SLFN12L: variants seen among roughly 807,000 people sequenced by gnomAD.
SLFN12L encodes schlafen family member 12-like.
A neutral mutation model predicts 34.8 loss-of-function variants in SLFN12L; 34 were observed. That is an observed-to-expected ratio of 0.98 (90% confidence interval 0.74 to 1.30). The LOEUF (loss-of-function observed/expected upper bound fraction) is 1.30. Ranked by LOEUF, SLFN12L falls within the 50% of genes most tolerant of loss-of-function variation. The pLI is 0.00. For synonymous variants in SLFN12L, 259 were observed against 247.5 expected (o/e 1.05, Z -0.44); for missense variants, 703 against 696.2 (o/e 1.01, Z -0.11).
Position 35,522,968 on chromosome 17 carries a change from C to A in SLFN12L, c.-604G>T, listed in dbSNP as rs1185373166. ...GAGTACATCGCAAATATCCTGGTAGCACTAGATGTGAAAAGAATGAGAAAT... is the reference window on the plus strand; with the variant it reads ...GAGTACATCGCAAATATCCTGGTAGAACTAGATGTGAAAAGAATGAGAAAT... On this transcript the variant is annotated splice_region_variant and 5_prime_UTR_variant, in exon 2 of 5. Coordinates refer to ENST00000628453, the MANE Select transcript of SLFN12L (RefSeq NM_001363830.2). 3 of 496,798 alleles carry A rather than the reference C, an allele frequency of 6.0e-6. No homozygotes were observed. The East Asian group carries it at 9.2e-5, about 15-fold the overall frequency. 30.8% of individuals were successfully genotyped at this position (496,798 alleles called of 1,614,324 possible). A position where few individuals can be genotyped will look rare whatever the true frequency, so the allele number is the denominator to read the frequency against.
chr17:35,521,287 A>C (rs1440165906), intron 2 of SLFN12L, among the ~76,000 whole-genome samples: 1 of 152,178 alleles, frequency 6.6e-6, no homozygotes, highest in Non-Finnish European at 1.5e-5. Flanking sequence ...AAATCCAGAT[A>C]AATTGCGGAG....
chr17:35,504,717 A>G (rs1205560306), intron 2 of SLFN12L, among the ~76,000 whole-genome samples: 1 of 152,182 alleles, frequency 6.6e-6, no homozygotes, highest in African/African-American at 2.4e-5. Context: ...TCCAGCTTCC[A>G]TCTCCCAACA....
chr17:35,496,652 T>A (rs1915092918), intron 2 of SLFN12L, among the ~76,000 whole-genome samples: 1 of 152,060 alleles, frequency 6.6e-6, no homozygotes. Flanking sequence ...TTAAAGCCTG[T>A]GCAGTAGGCG....
intron 2 of SLFN12L, among the ~76,000 whole-genome samples, chr17:35,487,236 C>G (rs1189718016): frequency 6.6e-6 from 1 of 152,270 alleles, no homozygotes; most frequent in Non-Finnish European, 1.5e-5. Context: ...CCACCGCGCC[C>G]GGCCGCCCTG....
chr17:35,500,122 G>C (rs1298617343), intron 2 of SLFN12L: 1 of 152,144 alleles, frequency 6.6e-6, no homozygotes, highest in Non-Finnish European at 1.5e-5. Flanking sequence ...AGAATATTCG[G>C]TGTGCTAAAT....
At position 35,522,380 on chromosome 17, in the gene SLFN12L, G is replaced by A. The variant is rs191115335; in HGVS notation, c.-16C>T. The A allele has an allele frequency of 3.7e-6, 6 of 1,614,064 alleles. No homozygotes were observed. Among genetic ancestry groups the A allele is most frequent in the Non-Finnish European group, 5.1e-6 (6 of 1,180,032 alleles). ...TCTTCTCCATGATCTTCATGGCCAT[G>A]ATGGTCTTTCCTAAGCCAGGTAAGC... On this transcript the variant is annotated 5_prime_UTR_variant, in exon 2 of 5. Transcript: ENST00000628453.
At chr17:35,491,280 T>A in intron 2 of SLFN12L, 2 of 784,992 alleles carry the variant, frequency 2.5e-6, no homozygotes, top group Non-Finnish European at 4.1e-6. Context: ...ACCAATTTTT[T>A]TAAATCATGG....
At chr17:35,498,584 C>G (rs528645092) in intron 2 of SLFN12L, 5 of 1,577,458 alleles carry the variant, frequency 3.2e-6, no homozygotes, top group Middle Eastern at 1.7e-4. Context: ...ACAGCCGCTT[C>G]CATGGAATGT....
intron 2 of SLFN12L, chr17:35,515,282 C>T (rs1203436395): frequency 3.4e-5 from 13 of 385,206 alleles, no homozygotes; most frequent in Non-Finnish European, 3.4e-5. Context: ...TCAGACCCGA[C>T]GCCGGCGGGA....
rs1214442678 is a variant in SLFN12L, at chr17:35,471,930, G to GT, written c.*2992dup. 1.3e-5 allele frequency among the ~76,000 whole-genome samples: 2 copies of GT among 151,946 alleles called. No individual in the cohort carries two copies. The highest frequency in any genetic ancestry group is 2.9e-5 in the Non-Finnish European group (2 of 67,996). ...GGGGTTGTTTTTTCCTTGTAAATTT[G>GT]TTTAAGTTCCTTGTACATTCTGGGT... On this transcript the variant is annotated 3_prime_UTR_variant, in exon 5 of 5. Transcript: ENST00000628453.
rs561126866 is a variant in SLFN12L at position 35,487,805 on chromosome 17, G to A, written c.87-7610C>T. The A allele has an allele frequency of 5.4e-5, 81 of 1,507,720 alleles. No individual in the cohort carries two copies. In the African/African-American group the frequency reaches 1.0e-3, roughly 19 times the overall value. The allele number at this position is 1,507,720 out of a possible 1,614,324, so 93.4% of individuals were successfully genotyped here. A position where few individuals can be genotyped will look rare whatever the true frequency, so the allele number is the denominator to read the frequency against. Reference sequence around the variant, plus strand: ...TTCCACTTTCCTGCTCTCCGCGTCCGTGTGCGGCTAGCCCCTCGCTCAGCT... The same window carrying A: ...TTCCACTTTCCTGCTCTCCGCGTCCATGTGCGGCTAGCCCCTCGCTCAGCT... On this transcript the variant is annotated intron_variant, in intron 2 of 4. Coordinates refer to ENST00000628453, the MANE Select transcript of SLFN12L (RefSeq NM_001363830.2).
intron 2 of SLFN12L, chr17:35,499,140 T>G: frequency 1.2e-6 from 1 of 863,554 alleles, no homozygotes; most frequent in Non-Finnish European, 1.9e-6. Flanking sequence ...AGTAGACATG[T>G]CCCGCATCCA....
intron 1 of SLFN12L, among the ~76,000 whole-genome samples, chr17:35,530,428 AGG>A (rs796136088): frequency 1.4e-3 from 14 of 9,884 alleles, no homozygotes; most frequent in Middle Eastern, 0.031. Context: ...GAAGGAAGGA[AGG>A]GAAGGGAAGG....
At position 35,471,491 on chromosome 17, in the gene SLFN12L, A is replaced by G. The variant is rs1012051206; in HGVS notation, c.*3432T>C. Among the ~76,000 whole-genome samples the G allele has an allele frequency of 2.0e-5, 3 of 152,130 alleles. No individual in the cohort carries two copies. Among genetic ancestry groups the G allele is most frequent in the Non-Finnish European group, 4.4e-5 (3 of 68,030 alleles). On this transcript the variant is annotated 3_prime_UTR_variant, in exon 5 of 5. Transcript: ENST00000628453. ...CATTCCTTTGGGTATATACCCAGTA[A>G]TGGGATTCCTGGGTCAAATGGTATT...
In SLFN12L at chr17:35,470,734, G is replaced by A. The variant is rs1443552659; in HGVS notation, c.*4189C>T. 2 of 151,674 alleles carry A rather than the reference G, an allele frequency of 1.3e-5. No homozygotes were observed. Among genetic ancestry groups the A allele is most frequent in the African/African-American group, 4.9e-5 (2 of 41,188 alleles). 9.4% of individuals were successfully genotyped at this position (151,674 alleles called of 1,614,324 possible). A position where few individuals can be genotyped will look rare whatever the true frequency, so the allele number is the denominator to read the frequency against. On this transcript the variant is annotated 3_prime_UTR_variant, in exon 5 of 5. Coordinates refer to ENST00000628453, the MANE Select transcript of SLFN12L (RefSeq NM_001363830.2). ...CTGGGATACACGTGCAGAATGTGCA[G>A]GTTTGTTACATAGGTATACATGTGC... is the stretch of plus-strand genomic sequence containing the variant.
At chr17:35,483,170 G>A (rs1189870726) in intron 2 of SLFN12L, among the ~76,000 whole-genome samples, 1 of 152,106 alleles carries the variant, frequency 6.6e-6, no homozygotes, top group African/African-American at 2.4e-5. Context: ...ACCAGTAGCA[G>A]ATAGAAGCTA....
chr17:35,535,903 T>C (rs1017985475), intron 1 of SLFN12L, among the ~76,000 whole-genome samples: 2 of 151,704 alleles, frequency 1.3e-5, no homozygotes, highest in Non-Finnish European at 2.9e-5. Flanking sequence ...TGATCCACCT[T>C]CCTCGGCCTC....
At chr17:35,493,022 G>C (rs1289767395) in intron 2 of SLFN12L, among the ~76,000 whole-genome samples, 1 of 152,008 alleles carries the variant, frequency 6.6e-6, no homozygotes, top group Non-Finnish European at 1.5e-5. Context: ...TTTACTCCAG[G>C]TAGATTTCCA....
chr17:35,477,876 G>A (rs1318442465), intron 4 of SLFN12L, 199 bp downstream of exon 4: 2 of 430,972 alleles, frequency 4.6e-6, no homozygotes, highest in Admixed American at 8.8e-5. Context: ...TTCACACACT[G>A]CCTGAACGAA....
Sources: allele counts gnomAD v4.1 joint callset (sites outside exome capture counted in the v4.1 genomes callset), GRCh38; gene constraint gnomAD v4.1.1; transcripts MANE v1.5; gene names NCBI Gene and HGNC (gene_info 2026-07-23, HGNC 2026-07-21).